The following ARHGEF12 variants were observed in gnomAD, a reference collection of about 807,000 sequenced individuals.
ARHGEF12 encodes the protein KMT2A/ARHGEF12 fusion protein.
A neutral mutation model predicts 211.2 loss-of-function variants in ARHGEF12; 66 were observed. That is an observed-to-expected ratio of 0.31 (90% CI 0.26 to 0.38). The LOEUF is 0.38. ARHGEF12 is among the 10% of genes least tolerant of loss of function. The pLI, the probability that ARHGEF12 is intolerant of heterozygous loss-of-function variation, is 1.00. For missense variants in ARHGEF12, 1,429 were observed against 1,869.5 expected, an observed-to-expected ratio of 0.76 and a Z score of 4.34; for synonymous variants, 592 against 638.4, an observed-to-expected ratio of 0.93 and a Z score of 1.09.
chr11:120,451,504 C>G lies in ARHGEF12; in HGVS notation c.1844-8C>G. On this transcript the variant is annotated splice_polypyrimidine_tract_variant and splice_region_variant and intron_variant, in intron 21 of 40. Transcript: ENST00000397843. ...AATACAGATTATTAACCATCATTTTCTGATCAGTTGGCAGAGCCATGGAAC... is the reference window on the plus strand; with the variant it reads ...AATACAGATTATTAACCATCATTTTGTGATCAGTTGGCAGAGCCATGGAAC... 4 of 1,613,630 alleles carry G rather than the reference C, an allele frequency of 2.5e-6. No individual in the cohort carries two copies. The highest frequency in any genetic ancestry group is 2.5e-6 in the Non-Finnish European group (3 of 1,179,880).
intron 1 of ARHGEF12, among the ~76,000 whole-genome samples, chr11:120,348,672 T>C (rs956959792): frequency 6.6e-6 from 1 of 152,022 alleles, no homozygotes; most frequent in African/African-American, 2.4e-5. Context: ...AGAAACCCCA[T>C]CTCTACTAAA....
intron 1 of ARHGEF12, among the ~76,000 whole-genome samples, chr11:120,343,740 G>T (rs1942607903): frequency 6.6e-6 from 1 of 152,098 alleles, no homozygotes; most frequent in African/African-American, 2.4e-5. Flanking sequence ...TGCAGAAATT[G>T]GAACTATATA....
chr11:120,411,544 T>C (rs1389976709), intron 4 of ARHGEF12: 1 of 150,946 alleles, frequency 6.6e-6, no homozygotes, highest in Non-Finnish European at 1.5e-5. Context: ...ACAAAAATGC[T>C]AGTTACTCAC....
chr11:120,370,741 G>A (rs1026839959), intron 1 of ARHGEF12, among the ~76,000 whole-genome samples: 2 of 151,808 alleles, frequency 1.3e-5, no homozygotes, highest in African/African-American at 4.8e-5. Flanking sequence ...TAGAATGGTT[G>A]GTCAGTCTCT....
chr11:120,423,149 G>T (rs1025796159), intron 6 of ARHGEF12, among the ~76,000 whole-genome samples: 4 of 152,088 alleles, frequency 2.6e-5, no homozygotes, highest in Admixed American at 2.0e-4. Context: ...ACATATTAAT[G>T]AGGATATGGC....
chr11:120,482,541 C>T (rs1413582614), intron 39 of ARHGEF12, among the ~76,000 whole-genome samples: 2 of 151,958 alleles, frequency 1.3e-5, no homozygotes, highest in Non-Finnish European at 2.9e-5. Flanking sequence ...GTCAGGAGAT[C>T]GAGACCATCC....
intron 1 of ARHGEF12, among the ~76,000 whole-genome samples, chr11:120,360,215 A>G (rs1943241562): frequency 6.6e-6 from 1 of 152,134 alleles, no homozygotes; most frequent in Non-Finnish European, 1.5e-5. Flanking sequence ...AGTGGTGAGA[A>G]AAGAGGCTGG....
At position 120,357,409 on chromosome 11, in the gene ARHGEF12, T is replaced by A. The variant is rs143463601; in HGVS notation, c.32+20134T>A. 6.6e-4 allele frequency among the ~76,000 whole-genome samples: 101 copies of A among 152,314 alleles called. 2 individuals carry two copies. The East Asian group carries it at 0.019, about 29-fold the overall frequency. On this transcript the variant is annotated intron_variant, in intron 1 of 40. Coordinates refer to ENST00000397843, the MANE Select transcript of ARHGEF12 (RefSeq NM_015313.3). Reference sequence around the variant, plus strand: ...AGTCTAATAGAGGAAGATAGAGAACTAAGTGCACAGGGCACAGTGGAGACT... The same window carrying A: ...AGTCTAATAGAGGAAGATAGAGAACAAAGTGCACAGGGCACAGTGGAGACT...
chr11:120,448,404 G>A lies in ARHGEF12; in HGVS notation c.1737+56G>A, dbSNP rs757911811. The A allele has an allele frequency of 9.0e-6, 12 of 1,329,358 alleles. No homozygotes were observed. The African/African-American group carries it at 1.6e-4, about 18-fold the overall frequency. The allele number at this position is 1,329,358 out of a possible 1,614,324, so 82.3% of individuals were successfully genotyped here. On this transcript the variant is annotated intron_variant, in intron 20 of 40. Transcript: ENST00000397843. ...AGGCCTTAGGGCTTCTTTACATTTG[G>A]TTGCAGTGTCTTCCATCATCTTAGT...
At chr11:120,476,626 A>G (rs1468264361) in intron 33 of ARHGEF12, 35 bp from the exon 34 acceptor site, 10 of 1,553,044 alleles carry the variant, frequency 6.4e-6, no homozygotes, top group African/African-American at 4.1e-5. Context: ...TCCCCAGGTC[A>G]TAGTATTAGA....
Position 120,486,205 on chromosome 11 carries a change from T to A in ARHGEF12, c.*1128T>A, listed in dbSNP as rs1257807157. 8.6e-6 allele frequency: 2 copies of A among 233,094 alleles called. No individual in the cohort carries two copies. Among genetic ancestry groups the A allele is most frequent in the Non-Finnish European group, 1.7e-5 (2 of 117,748 alleles). 14.4% of individuals were successfully genotyped at this position (233,094 alleles called of 1,614,324 possible). ...GATTATAAGGCCAGTAAAATTTTAG[T>A]ACCTGGAGGTTTGACTCTAATTTTT... On this transcript the variant is annotated 3_prime_UTR_variant, in exon 41 of 41. Transcript: ENST00000397843.
chr11:120,477,238 C>A lies in ARHGEF12; in HGVS notation c.3385C>A (p.Arg1129=). The change falls in exon 35 of 41, where the codon CGG becomes AGG. Residue 1129 remains arginine, a synonymous_variant. Transcript: ENST00000397843. ...EKTVWQDLIC[R]MAASVKEQST... The stretch of plus-strand genomic sequence containing the variant: ...CTGAAGCTGGCAGGACCTAATCTGT[C>A]GGATGGCTGCATCAGTGAAGGAGCA... The A allele has an allele frequency of 6.2e-7, 1 of 1,613,908 alleles. No homozygotes were observed. Among genetic ancestry groups the A allele is most frequent in the Non-Finnish European group, 8.5e-7 (1 of 1,179,982 alleles).
At chr11:120,457,586 A>T (rs1350381332) in intron 23 of ARHGEF12, 135 bp from the exon 24 acceptor site, 11 of 594,068 alleles carry the variant, frequency 1.9e-5, no homozygotes, top group Middle Eastern at 9.7e-4. Context: ...AATTTATTTT[A>T]TATTAAATTA....
chr11:120,423,098 G>A (rs1330823525), intron 6 of ARHGEF12, among the ~76,000 whole-genome samples: 1 of 152,072 alleles, frequency 6.6e-6, no homozygotes, highest in African/African-American at 2.4e-5. Context: ...AATGGGCAAA[G>A]AATTTTATCA....
chr11:120,475,493 G>A lies in ARHGEF12; in HGVS notation c.3263G>A (p.Arg1088Gln). 1 of 1,613,354 alleles carries A rather than the reference G, an allele frequency of 6.2e-7. No individual in the cohort carries two copies. The highest frequency in any genetic ancestry group is 8.5e-7 in the Non-Finnish European group (1 of 1,179,748). ...PVIKLSTVLV[R>Q]QVATDNKALF... Reference sequence around the variant, plus strand: ...ATTAAGTTGAGTACAGTGTTGGTTCGACAAGTGGCAACAGGCAAGTATGTC... The same window carrying A: ...ATTAAGTTGAGTACAGTGTTGGTTCAACAAGTGGCAACAGGCAAGTATGTC... Residue 1088 changes from arginine (R) to glutamine (Q), a missense_variant, in exon 33 of 41, where the codon CGA becomes CAA. By Grantham distance (43) the Arg-to-Gln change is conservative. Transcript: ENST00000397843.
At chr11:120,455,427 T>C (rs1946333547) in intron 22 of ARHGEF12, among the ~76,000 whole-genome samples, 2 of 152,216 alleles carry the variant, frequency 1.3e-5, no homozygotes, top group Non-Finnish European at 1.5e-5. Flanking sequence ...AAAAGAGCCA[T>C]GCCTTCAACT....
chr11:120,360,847 A>G (rs1030245606), intron 1 of ARHGEF12, among the ~76,000 whole-genome samples: 1 of 152,222 alleles, frequency 6.6e-6, no homozygotes, highest in Non-Finnish European at 1.5e-5. Flanking sequence ...GAATGTAGCA[A>G]TGCATCCTTT....
intron 1 of ARHGEF12, among the ~76,000 whole-genome samples, chr11:120,354,818 T>C (rs2135328063): frequency 6.6e-6 from 1 of 152,298 alleles, no homozygotes; most frequent in South Asian, 2.1e-4. Context: ...ACAAAGAGGC[T>C]AACATGCAAA....
In ARHGEF12 at chr11:120,459,255, G is replaced by A. The variant is rs1424404892; in HGVS notation, c.2462G>A (p.Gly821Glu). The change falls in exon 26 of 41, where the codon GGA (glycine) becomes GAA (glutamate). Residue 821 changes from glycine (G) to glutamate (E), a missense_variant. By Grantham distance (98) the Gly-to-Glu change is moderately conservative (BLOSUM62 -2). Transcript: ENST00000397843. ...TTCTATCAGCGAGTATCCAGAGAAGGAATTCTGTCACCCTCAGAGCTACGG... is the reference window on the plus strand; with the variant it reads ...TTCTATCAGCGAGTATCCAGAGAAGAAATTCTGTCACCCTCAGAGCTACGG... Reference protein sequence around the residue: ...QVFYQRVSREGILSPSELRKI... With the variant: ...QVFYQRVSREEILSPSELRKI... 1 of 1,613,604 alleles carries A rather than the reference G, an allele frequency of 6.2e-7. No individual in the cohort carries two copies. Among genetic ancestry groups the A allele is most frequent in the East Asian group, 2.2e-5 (1 of 44,784 alleles).
Sources: allele counts gnomAD v4.1 joint callset (sites outside exome capture counted in the v4.1 genomes callset), GRCh38; gene constraint gnomAD v4.1.1; transcripts MANE v1.5; gene names NCBI Gene and HGNC (gene_info 2026-07-23, HGNC 2026-07-21).